Variants in NCKAP5 observed in about 807,000 individuals in gnomAD.
NCKAP5 encodes the protein NCK associated protein 5.
NCKAP5 carries 92 observed loss-of-function variants against 167.0 expected under a neutral mutation model. That is an observed-to-expected ratio of 0.55 (90% confidence interval 0.47 to 0.66). The LOEUF (loss-of-function observed/expected upper bound fraction) is 0.66, where lower values mean the gene tolerates loss of function less well. NCKAP5 is among the 30% of genes least tolerant of loss of function. NCKAP5 has a pLI of 0.00. For synonymous variants in NCKAP5, 891 were observed against 877.4 expected, an observed-to-expected ratio of 1.02 and a Z score of -0.27; for missense variants, 2,378 against 2,315.0, an observed-to-expected ratio of 1.03 and a Z score of -0.56.
At chr2:133,561,106 A>C (rs982411384) in intron 1 of NCKAP5, among the ~76,000 whole-genome samples, 3 of 152,246 alleles carry the variant, frequency 2.0e-5, no homozygotes, top group African/African-American at 7.2e-5. Context: ...ATAGAAATAA[A>C]TAAGATGCAC....
chr2:132,987,694 C>A (rs1417350112), intron 7 of NCKAP5, among the ~76,000 whole-genome samples: 1 of 152,090 alleles, frequency 6.6e-6, no homozygotes, highest in Admixed American at 6.6e-5. Flanking sequence ...TAGAGAGAAC[C>A]AAAAACTTGG....
chr2:133,476,420 G>A (rs975296072), intron 3 of NCKAP5, among the ~76,000 whole-genome samples: 3 of 151,984 alleles, frequency 2.0e-5, no homozygotes, highest in East Asian at 1.9e-4. Context: ...AATTCTAATC[G>A]GGCTGCCCTC....
chr2:132,816,005 C>T (rs1335993738), intron 11 of NCKAP5, among the ~76,000 whole-genome samples: 1 of 152,128 alleles, frequency 6.6e-6, no homozygotes, highest in Non-Finnish European at 1.5e-5. Flanking sequence ...AAGGTGTCAT[C>T]ATAATCTTGG....
At chr2:133,008,365 T>C (rs112166758) in intron 6 of NCKAP5, among the ~76,000 whole-genome samples, 34 of 152,168 alleles carry the variant, frequency 2.2e-4, no homozygotes, top group Non-Finnish European at 4.6e-4. Flanking sequence ...CCGGAAATCT[T>C]CAGACAGACA....
At chr2:133,048,960 A>T (rs1372896963) in intron 6 of NCKAP5, among the ~76,000 whole-genome samples, 1 of 152,076 alleles carries the variant, frequency 6.6e-6, no homozygotes, top group Admixed American at 6.5e-5. Flanking sequence ...CTCAAATCTC[A>T]TGCTCTTTTC....
intron 6 of NCKAP5, among the ~76,000 whole-genome samples, chr2:133,025,729 T>C (rs913540303): frequency 1.3e-5 from 2 of 152,222 alleles, no homozygotes; most frequent in Non-Finnish European, 2.9e-5. Context: ...ATTTTAGTGA[T>C]ATTTCTATCT....
In NCKAP5 at chr2:133,284,757, G is replaced by A. The variant is rs553565005; in HGVS notation, c.143+18280C>T. On this transcript the variant is annotated intron_variant, in intron 4 of 19. Transcript: ENST00000409261. ...AAGACTCAGGACTTTGAAAGCCCAT[G>A]AGAAAGTTTTCATAAGGATTTATCC... is the stretch of plus-strand genomic sequence containing the variant. 2.6e-5 allele frequency: 4 copies of A among 152,324 alleles called. No homozygotes were observed. The East Asian group carries it at 7.7e-4, about 29-fold the overall frequency. 9.4% of individuals were successfully genotyped at this position (152,324 alleles called of 1,614,324 possible). A position where few individuals can be genotyped will look rare whatever the true frequency, so the allele number is the denominator to read the frequency against.
chr2:132,772,251 T>C (rs1376683596), intron 16 of NCKAP5, among the ~76,000 whole-genome samples: 1 of 152,156 alleles, frequency 6.6e-6, no homozygotes, highest in African/African-American at 2.4e-5. Flanking sequence ...CATATTCCTG[T>C]CACCAAGCAA....
At chr2:133,225,022 C>G (rs1042398937) in intron 4 of NCKAP5, among the ~76,000 whole-genome samples, 1 of 152,144 alleles carries the variant, frequency 6.6e-6, no homozygotes, top group African/African-American at 2.4e-5. Context: ...AGGTATACCC[C>G]TGCCTCTGCA....
chr2:132,963,692 A>G (rs1245160675), intron 8 of NCKAP5, 28 bp downstream of exon 8: 2 of 1,606,276 alleles, frequency 1.2e-6, no homozygotes, highest in African/African-American at 1.3e-5. Flanking sequence ...TTTTTCTTGA[A>G]GAGTGTAAAA....
chr2:133,356,053 A>C (rs1684695403), intron 3 of NCKAP5, among the ~76,000 whole-genome samples: 1 of 151,938 alleles, frequency 6.6e-6, no homozygotes, highest in Non-Finnish European at 1.5e-5. Context: ...CAGCCTCCGG[A>C]GTAGCTGGGA....
intron 9 of NCKAP5, among the ~76,000 whole-genome samples, chr2:132,872,138 A>T (rs1204429796): frequency 6.6e-6 from 1 of 152,346 alleles, no homozygotes; most frequent in African/African-American, 2.4e-5. Context: ...CTTGAAGCAC[A>T]CTGGAAAAAC....
At chr2:133,219,246 A>G (rs2086557767) in intron 4 of NCKAP5, among the ~76,000 whole-genome samples, 1 of 152,214 alleles carries the variant, frequency 6.6e-6, no homozygotes, top group Non-Finnish European at 1.5e-5. Context: ...CCCCAACCCC[A>G]GCCCGGCTGC....
intron 4 of NCKAP5, among the ~76,000 whole-genome samples, chr2:133,239,924 A>G (rs1218138447): frequency 1.3e-5 from 2 of 152,134 alleles, no homozygotes; most frequent in East Asian, 1.9e-4. Flanking sequence ...TAGGCAAATT[A>G]CCAATGTCTG....
intron 3 of NCKAP5, among the ~76,000 whole-genome samples, chr2:133,425,404 A>G (rs932513917): frequency 1.3e-5 from 2 of 152,228 alleles, no homozygotes. Context: ...CATCCTTGGA[A>G]AGTAATCAGG....
At chr2:133,151,194 T>A (rs902923268) in intron 5 of NCKAP5, among the ~76,000 whole-genome samples, 9 of 152,220 alleles carry the variant, frequency 5.9e-5, no homozygotes, top group Admixed American at 3.3e-4. Context: ...AAAGTTTTTT[T>A]AAAAAAACAG....
intron 16 of NCKAP5, among the ~76,000 whole-genome samples, chr2:132,761,438 G>C (rs1680998078): frequency 6.6e-6 from 1 of 152,234 alleles, no homozygotes; most frequent in South Asian, 2.1e-4. Context: ...TGCCCCATGG[G>C]CAAATGCTGG....
intron 5 of NCKAP5, among the ~76,000 whole-genome samples, chr2:133,155,558 T>C (rs2083545015): frequency 6.6e-6 from 1 of 152,228 alleles, no homozygotes; most frequent in Admixed American, 6.5e-5. Flanking sequence ...TAATGTTATG[T>C]GTCAAATTGG....
chr2:132,780,517 G>A (rs1331165099), intron 15 of NCKAP5, among the ~76,000 whole-genome samples: 2 of 152,146 alleles, frequency 1.3e-5, no homozygotes, highest in African/African-American at 4.8e-5. Flanking sequence ...CTAAATGATA[G>A]GGAGCCAAGT....
Sources: allele counts gnomAD v4.1 joint callset (sites outside exome capture counted in the v4.1 genomes callset), GRCh38; gene constraint gnomAD v4.1.1; transcripts MANE v1.5; gene names NCBI Gene and HGNC (gene_info 2026-07-23, HGNC 2026-07-21).